Variants in LDB2 observed in about 807,000 individuals in gnomAD.
LDB2 encodes LIM domain-binding protein 2.
A neutral mutation model predicts 44.3 loss-of-function variants in LDB2; 12 were observed. That is an observed-to-expected ratio of 0.27 (90% CI 0.17 to 0.44). LDB2 has a LOEUF of 0.44. LDB2 is among the 20% of genes least tolerant of loss of function. The pLI is 1.00. For synonymous variants in LDB2, 164 were observed against 174.8 expected (o/e 0.94, Z 0.49); for missense variants, 344 against 473.5 (o/e 0.73, Z 2.54).
chr4:16,612,542 A>T (rs1449046523), intron 2 of LDB2, among the ~76,000 whole-genome samples: 1 of 152,126 alleles, frequency 6.6e-6, no homozygotes, highest in Non-Finnish European at 1.5e-5. Context: ...AAACACTGAC[A>T]CCACAGAAAT....
intron 5 of LDB2, among the ~76,000 whole-genome samples, chr4:16,545,353 A>G (rs1308656757): frequency 6.6e-6 from 1 of 152,184 alleles, no homozygotes; most frequent in East Asian, 1.9e-4. Context: ...GCAAAGACAT[A>G]GCAGATAAAG....
intron 1 of LDB2, among the ~76,000 whole-genome samples, chr4:16,797,171 G>A (rs191732740): frequency 9.2e-5 from 14 of 152,112 alleles, no homozygotes; most frequent in African/African-American, 2.4e-4. Context: ...CCACATAGAC[G>A]AAAAGGTCAG....
intron 2 of LDB2, among the ~76,000 whole-genome samples, chr4:16,609,109 C>G (rs1277771382): frequency 6.6e-6 from 1 of 152,104 alleles, no homozygotes; most frequent in Non-Finnish European, 1.5e-5. Flanking sequence ...GAAGGAAGAA[C>G]AGCGCGGGGC....
intron 5 of LDB2, among the ~76,000 whole-genome samples, chr4:16,562,673 C>A (rs1425231010): frequency 1.3e-5 from 2 of 152,194 alleles, no homozygotes; most frequent in Non-Finnish European, 2.9e-5. Flanking sequence ...CCTCAGGGAT[C>A]TAGAACTAGA....
intron 2 of LDB2, among the ~76,000 whole-genome samples, chr4:16,618,165 C>T (rs73236890): frequency 0.031 from 4,777 of 152,228 alleles, 107 homozygotes; most frequent in Non-Finnish European, 0.044. Flanking sequence ...TTAGACTACA[C>T]CTGGGGAGGA....
chr4:16,726,797 A>C (rs967591287), intron 2 of LDB2, among the ~76,000 whole-genome samples: 5 of 152,324 alleles, frequency 3.3e-5, no homozygotes, highest in Middle Eastern at 3.4e-3. Context: ...TAAAGCTCAG[A>C]AAGAGAAAAA....
intron 1 of LDB2, among the ~76,000 whole-genome samples, chr4:16,854,892 G>A (rs1789037743): frequency 1.3e-5 from 2 of 151,716 alleles, no homozygotes; most frequent in Admixed American, 1.3e-4. Flanking sequence ...TTGCCCTATT[G>A]GTGGAGATAC....
chr4:16,784,112 T>C (rs1016240452), intron 1 of LDB2, among the ~76,000 whole-genome samples: 1 of 152,236 alleles, frequency 6.6e-6, no homozygotes, highest in Non-Finnish European at 1.5e-5. Flanking sequence ...TTTTAAAGAA[T>C]TTTTAAAATA....
chr4:16,743,852 A>T (rs1763829404), intron 2 of LDB2, among the ~76,000 whole-genome samples: 1 of 152,174 alleles, frequency 6.6e-6, no homozygotes, highest in Non-Finnish European at 1.5e-5. Flanking sequence ...ATGCAGGTAA[A>T]CTGTGAGATA....
chr4:16,825,502 A>C (rs1311072234), intron 1 of LDB2, among the ~76,000 whole-genome samples: 1 of 152,152 alleles, frequency 6.6e-6, no homozygotes, highest in East Asian at 1.9e-4. Context: ...AATGCGGGTA[A>C]AGAAGAAAAG....
chr4:16,588,048 C>T (rs1228524841), intron 4 of LDB2, among the ~76,000 whole-genome samples: 1 of 150,662 alleles, frequency 6.6e-6, no homozygotes, highest in Non-Finnish European at 1.5e-5. Flanking sequence ...AGAGGAGAGA[C>T]TTAAATTTAA....
chr4:16,695,807 TA>T (rs1751996756), intron 2 of LDB2, among the ~76,000 whole-genome samples: 1 of 151,436 alleles, frequency 6.6e-6, no homozygotes, highest in Non-Finnish European at 1.5e-5. Flanking sequence ...TTACATGTCA[TA>T]AAAAATTATT....
intron 1 of LDB2, among the ~76,000 whole-genome samples, chr4:16,821,484 C>T (rs532305531): frequency 2.7e-5 from 4 of 150,338 alleles, no homozygotes; most frequent in South Asian, 2.1e-4. Context: ...CCCGGGTTCA[C>T]GCCATTCTCC....
At chr4:16,673,648 G>A (rs971994235) in intron 2 of LDB2, among the ~76,000 whole-genome samples, 1 of 152,086 alleles carries the variant, frequency 6.6e-6, no homozygotes, top group Non-Finnish European at 1.5e-5. Flanking sequence ...CATTTCTTTG[G>A]CCTCCCAGGG....
At chr4:16,734,846 C>A (rs531697365) in intron 2 of LDB2, among the ~76,000 whole-genome samples, 33 of 151,780 alleles carry the variant, frequency 2.2e-4, no homozygotes, top group Middle Eastern at 3.4e-3. Flanking sequence ...GTAGCTGGGA[C>A]AACAGGCGCC....
intron 2 of LDB2, among the ~76,000 whole-genome samples, chr4:16,719,017 C>T (rs114657527): frequency 0.013 from 2,002 of 148,952 alleles, 55 homozygotes; most frequent in African/African-American, 0.047. Flanking sequence ...AATTGAAACT[C>T]AAAATAAATA....
chr4:16,825,551 A>G (rs757620442), intron 1 of LDB2, among the ~76,000 whole-genome samples: 6 of 152,156 alleles, frequency 3.9e-5, no homozygotes, highest in Non-Finnish European at 7.3e-5. Flanking sequence ...AATTCTATTC[A>G]TATAGGGAGA....
chr4:16,602,052 T>C (rs1187928167), intron 2 of LDB2, among the ~76,000 whole-genome samples: 1 of 152,220 alleles, frequency 6.6e-6, no homozygotes, highest in Admixed American at 6.5e-5. Context: ...TTCATTCTAA[T>C]ATGCCTTTTA....
intron 2 of LDB2, among the ~76,000 whole-genome samples, chr4:16,742,304 T>A (rs13128281): frequency 6.6e-6 from 1 of 151,910 alleles, no homozygotes; most frequent in Admixed American, 6.6e-5. Flanking sequence ...ACTCCTGACC[T>A]TGTGATCCGC....
Sources: allele counts gnomAD v4.1 joint callset (sites outside exome capture counted in the v4.1 genomes callset), GRCh38; gene constraint gnomAD v4.1.1; transcripts MANE v1.5; gene names NCBI Gene and HGNC (gene_info 2026-07-23, HGNC 2026-07-21).